Variants in PCSK5 observed in about 807,000 individuals in gnomAD.
PCSK5 encodes prohormone convertase 5.
PCSK5 carries 129 observed loss-of-function variants against 233.2 expected under a neutral mutation model. That is an observed-to-expected ratio of 0.55 (90% CI 0.48 to 0.64). PCSK5 has a LOEUF of 0.64. Among genes scored for constraint, PCSK5 ranks in the 30% least tolerant of loss-of-function variants. The pLI, the probability that PCSK5 is intolerant of heterozygous loss-of-function variation, is 0.00. For missense variants in PCSK5, 2,076 were observed against 2,430.1 expected (o/e 0.85, Z 3.06); for synonymous variants, 825 against 879.2 (o/e 0.94, Z 1.09).
At chr9:76,262,022 G>T (rs1827189443) in intron 24 of PCSK5, among the ~76,000 whole-genome samples, 1 of 152,068 alleles carries the variant, frequency 6.6e-6, no homozygotes, top group Non-Finnish European at 1.5e-5. Context: ...AACTGACCTG[G>T]CCAGAACTTC....
chr9:76,047,462 G>A (rs1330618011), intron 5 of PCSK5, among the ~76,000 whole-genome samples: 1 of 152,092 alleles, frequency 6.6e-6, no homozygotes, highest in Non-Finnish European at 1.5e-5. Context: ...AACTATTTTG[G>A]TGTAAACAGC....
At position 76,208,313 on chromosome 9, in the gene PCSK5, T is replaced by C. The variant is rs375326815; in HGVS notation, c.2626+18567T>C. Among the ~76,000 whole-genome samples the C allele has an allele frequency of 2.6e-4, 40 of 152,218 alleles. No individual in the cohort carries two copies. The South Asian group carries it at 2.7e-3, about 10-fold the overall frequency. On this transcript the variant is annotated intron_variant, in intron 20 of 37. Coordinates refer to ENST00000674117, the MANE Select transcript of PCSK5 (RefSeq NM_001372043.1). ...CTGACTGCAATGACCCTGGGTGCCA[T>C]GTAAAGAAATCTGGGTCATGTTATG...
chr9:76,236,286 A>G (rs112901248), intron 22 of PCSK5, among the ~76,000 whole-genome samples: 6 of 152,190 alleles, frequency 3.9e-5, no homozygotes, highest in African/African-American at 7.2e-5. Context: ...CTTTTCTTCT[A>G]TGGACATCCA....
chr9:76,094,683 A>C (rs1377466506), intron 7 of PCSK5, among the ~76,000 whole-genome samples: 1 of 151,956 alleles, frequency 6.6e-6, no homozygotes, highest in Non-Finnish European at 1.5e-5. Flanking sequence ...GCTCATTGCA[A>C]ACTGCAACCT....
intron 9 of PCSK5, among the ~76,000 whole-genome samples, chr9:76,114,838 G>A (rs1421727649): frequency 2.6e-5 from 4 of 152,090 alleles, no homozygotes; most frequent in Non-Finnish European, 5.9e-5. Context: ...TCATTTTCAA[G>A]TGTCAAATGT....
In PCSK5 at chr9:76,095,882, G is replaced by C. The variant is rs754811384; in HGVS notation, c.895-8G>C. On this transcript the variant is annotated splice_region_variant and splice_polypyrimidine_tract_variant and intron_variant, in intron 7 of 37. Coordinates refer to ENST00000674117, the MANE Select transcript of PCSK5 (RefSeq NM_001372043.1). Reference sequence around the variant, plus strand: ...CACCATCATTTAGCTTTCTCTGTTTGTGAACAGGGGCGGAGAGGCCTCGGC... The same window carrying C: ...CACCATCATTTAGCTTTCTCTGTTTCTGAACAGGGGCGGAGAGGCCTCGGC... 13 of 1,613,478 alleles carry C rather than the reference G, an allele frequency of 8.1e-6. No homozygotes were observed. The South Asian group carries it at 9.9e-5, about 12-fold the overall frequency.
chr9:76,327,148 C>T (rs1829387295), intron 32 of PCSK5, among the ~76,000 whole-genome samples: 1 of 150,532 alleles, frequency 6.6e-6, no homozygotes, highest in African/African-American at 2.4e-5. Context: ...ACTCTGTCAC[C>T]CAGGCTGGAG....
intron 24 of PCSK5, among the ~76,000 whole-genome samples, chr9:76,246,341 C>CAAA (rs59806704): frequency 2.5e-4 from 13 of 52,624 alleles, no homozygotes; most frequent in Non-Finnish European, 4.8e-4. Context: ...GATTCCATCT[C>CAAA]AAAAAAAAAA....
intron 6 of PCSK5, among the ~76,000 whole-genome samples, chr9:76,070,649 G>A (rs540751395): frequency 5.9e-5 from 9 of 152,160 alleles, no homozygotes; most frequent in African/African-American, 1.4e-4. Context: ...TTCATTCTTC[G>A]TTCTTTCTAT....
At chr9:76,162,219 G>A (rs768195298) in intron 12 of PCSK5, among the ~76,000 whole-genome samples, 12 of 152,140 alleles carry the variant, frequency 7.9e-5, no homozygotes, top group East Asian at 1.9e-4. Flanking sequence ...TGGCTCCCCC[G>A]TTCCTGCTGT....
rs187423888 is a variant in PCSK5 at position 76,355,275 on chromosome 9, G to A, written c.5254+1056G>A. Among the ~76,000 whole-genome samples, 89 of 152,168 alleles carry A rather than the reference G, an allele frequency of 5.8e-4. 1 individual carries two copies. Among genetic ancestry groups the A allele is most frequent in the Admixed American group, 2.6e-3 (39 of 15,284 alleles). On this transcript the variant is annotated intron_variant, in intron 37 of 37. Coordinates refer to ENST00000674117, the MANE Select transcript of PCSK5 (RefSeq NM_001372043.1). Reference sequence around the variant, plus strand: ...ATCACAAGGTCAGGAGATCGAGAACGTCCTGGCTAACATAGTGAAACCCTG... The same window carrying A: ...ATCACAAGGTCAGGAGATCGAGAACATCCTGGCTAACATAGTGAAACCCTG...
intron 9 of PCSK5, among the ~76,000 whole-genome samples, chr9:76,108,556 T>C (rs1216339927): frequency 1.3e-5 from 2 of 152,136 alleles, no homozygotes; most frequent in Non-Finnish European, 2.9e-5. Flanking sequence ...AGATCGAGAC[T>C]ATCCTGGCCA....
intron 2 of PCSK5, among the ~76,000 whole-genome samples, chr9:75,938,703 AG>A (rs1398783917): frequency 6.6e-6 from 1 of 152,230 alleles, no homozygotes; most frequent in East Asian, 1.9e-4. Flanking sequence ...GAAAATACTT[AG>A]AGACTGCAAA....
Position 75,891,248 on chromosome 9 carries a change from G to T in PCSK5, c.67G>T (p.Gly23Trp), listed in dbSNP as rs1000064216. ...LDLLCVLALLGGCLLPVCRTR... is the reference protein window; with the variant it reads ...LDLLCVLALLWGCLLPVCRTR... ...CCTGCTGTGCGTGCTGGCGCTGCTCGGGGGCTGCCTGCTCCCCGTGTGTCG... is the reference window on the plus strand; with the variant it reads ...CCTGCTGTGCGTGCTGGCGCTGCTCTGGGGCTGCCTGCTCCCCGTGTGTCG... The change falls in exon 1 of 38, where the codon GGG becomes TGG. Residue 23 changes from glycine to tryptophan, a missense_variant. Around this residue, in one of 6 missense-constraint regions of PCSK5, gnomAD observed 190 missense variants for 216.3 expected, o/e 0.88. Coordinates refer to ENST00000674117, the MANE Select transcript of PCSK5 (RefSeq NM_001372043.1). 6.6e-7 allele frequency: 1 copy of T among 1,525,888 alleles called. No individual in the cohort carries two copies. Among genetic ancestry groups the T allele is most frequent in the Non-Finnish European group, 8.7e-7 (1 of 1,146,470 alleles). 94.5% of individuals were successfully genotyped at this position (1,525,888 alleles called of 1,614,324 possible).
chr9:76,251,386 A>T (rs1261029855), intron 24 of PCSK5, among the ~76,000 whole-genome samples: 1 of 151,792 alleles, frequency 6.6e-6, no homozygotes, highest in Non-Finnish European at 1.5e-5. Context: ...AGATGGTGAA[A>T]CCCCGTCTCT....
intron 20 of PCSK5, chr9:76,209,644 CTT>C: frequency 2.4e-6 from 1 of 424,088 alleles, no homozygotes; most frequent in South Asian, 1.8e-5. Flanking sequence ...GTTTCGATCA[CTT>C]CACCACATGG....
In PCSK5 at chr9:76,018,716, A is replaced by T. The variant is rs1306971970; in HGVS notation, c.412-5022A>T. Among the ~76,000 whole-genome samples the T allele has an allele frequency of 2.0e-5, 3 of 152,332 alleles. No individual in the cohort carries two copies. In the East Asian group the frequency reaches 5.8e-4, roughly 29 times the overall value. ...AAGGAAGTGAACTTCCTGTTGCTGA[A>T]AATTTTCAAATATAAACTTGGTGTT... On this transcript the variant is annotated intron_variant, in intron 3 of 37. Transcript: ENST00000674117.
chr9:75,960,897 C>G (rs906512540), intron 2 of PCSK5, among the ~76,000 whole-genome samples: 1 of 151,990 alleles, frequency 6.6e-6, no homozygotes, highest in Non-Finnish European at 1.5e-5. Flanking sequence ...ATCTGGCTAC[C>G]CTGTACAGTG....
At chr9:75,937,067 G>A (rs1476810761) in intron 2 of PCSK5, among the ~76,000 whole-genome samples, 1 of 151,946 alleles carries the variant, frequency 6.6e-6, no homozygotes, top group Admixed American at 6.6e-5. Context: ...TTAGTGATAG[G>A]TCTCAACAGT....
Sources: gnomAD v4.1 joint callset for allele counts (sites outside exome capture counted in the v4.1 genomes callset) on GRCh38, gnomAD v4.1.1 for gene constraint, gnomAD v4.1.1 regional missense constraint, MANE v1.5 for transcripts, NCBI Gene and HGNC (gene_info 2026-07-23, HGNC 2026-07-21) for gene names.